Variants in NRG3 observed in about 807,000 individuals in gnomAD.
NRG3 encodes the protein neuregulin 3.
NRG3 carries 31 observed loss-of-function variants against 66.9 expected under a neutral mutation model. The ratio of observed to expected loss-of-function variants is 0.46; its 90% CI spans 0.35 to 0.63. The LOEUF (loss-of-function observed/expected upper bound fraction) is 0.63. Among genes scored for constraint, NRG3 ranks in the 20% least tolerant of loss-of-function variants. The probability of loss-of-function intolerance (pLI) is 0.00; values close to 1 mark genes in which losing one functional copy is unlikely to be tolerated. For missense variants in NRG3, 910 were observed against 878.9 expected (o/e 1.04, Z -0.45); for synonymous variants, 393 against 359.4 (o/e 1.09, Z -1.06).
chr10:82,626,199 C>T (rs538010085), intron 2 of NRG3, among the ~76,000 whole-genome samples: 6 of 152,250 alleles, frequency 3.9e-5, no homozygotes, highest in Non-Finnish European at 7.4e-5. Flanking sequence ...GATCCTTGCA[C>T]TTTTATAGAT....
chr10:82,084,503 T>C (rs72825432), intron 1 of NRG3, among the ~76,000 whole-genome samples: 6 of 8,620 alleles, frequency 7.0e-4, no homozygotes, highest in African/African-American at 6.9e-4. Context: ...ATATATGAGA[T>C]TTTTTTTTTT....
At chr10:82,803,948 A>G (rs1300450924) in intron 3 of NRG3, among the ~76,000 whole-genome samples, 2 of 152,116 alleles carry the variant, frequency 1.3e-5, no homozygotes, top group African/African-American at 4.8e-5. Context: ...TAAGTTTTAA[A>G]TTGTGTACTG....
chr10:82,814,878 A>C (rs1157594234), intron 3 of NRG3, among the ~76,000 whole-genome samples: 3 of 152,198 alleles, frequency 2.0e-5, no homozygotes, highest in Non-Finnish European at 4.4e-5. Context: ...TAATCCTCAC[A>C]ACTCTGTGTT....
At chr10:82,978,775 G>A (rs1360628553) in intron 7 of NRG3, among the ~76,000 whole-genome samples, 175 bp from the exon 8 acceptor site, 2 of 152,162 alleles carry the variant, frequency 1.3e-5, no homozygotes, top group Non-Finnish European at 2.9e-5. Flanking sequence ...AATGGATTGG[G>A]CTATTCCTGA....
chr10:82,511,235 A>G (rs1351127629), intron 2 of NRG3, among the ~76,000 whole-genome samples: 2 of 152,230 alleles, frequency 1.3e-5, no homozygotes, highest in Non-Finnish European at 2.9e-5. Context: ...GAAAGAAAAA[A>G]TAAACAAACA....
rs1053910485 is a variant in NRG3, at chr10:81,892,908, G to A, written c.823+16745G>A. Among the ~76,000 whole-genome samples, 4 of 152,152 alleles carry A rather than the reference G, an allele frequency of 2.6e-5. No individual in the cohort carries two copies. In the South Asian group the frequency reaches 8.3e-4, roughly 32 times the overall value. On this transcript the variant is annotated intron_variant, in intron 1 of 8. Coordinates refer to ENST00000372141, the MANE Select transcript of NRG3 (RefSeq NM_001010848.4). The stretch of plus-strand genomic sequence containing the variant: ...TGTGATTATGACTCATTCCATGACT[G>A]TATCAAATTATCTCATGTAATCCAT...
intron 2 of NRG3, among the ~76,000 whole-genome samples, chr10:82,589,369 C>G (rs2046854878): frequency 6.6e-6 from 1 of 152,104 alleles, no homozygotes. Flanking sequence ...TCACTCAATT[C>G]AGAATTGAGA....
At position 82,116,833 on chromosome 10, in the gene NRG3, G is replaced by A. The variant is rs368519657; in HGVS notation, c.823+240670G>A. On this transcript the variant is annotated intron_variant, in intron 1 of 8. Coordinates refer to ENST00000372141, the MANE Select transcript of NRG3 (RefSeq NM_001010848.4). ...GATTTATAGAAGAAAGATTTGAGGA[G>A]CTACTTCCAGCCAAATGCCCTGAGA... Among the ~76,000 whole-genome samples the A allele has an allele frequency of 1.3e-4, 20 of 152,228 alleles. 1 individual carries two copies. The highest frequency in any genetic ancestry group is 4.6e-4 in the African/African-American group (19 of 41,554).
intron 2 of NRG3, among the ~76,000 whole-genome samples, chr10:82,563,470 G>T (rs2045189961): frequency 6.6e-6 from 1 of 151,922 alleles, no homozygotes; most frequent in African/African-American, 2.4e-5. Context: ...ACCTCTGAGA[G>T]TCAGCCTGTT....
chr10:81,973,573 A>AT (rs1447894599), intron 1 of NRG3, among the ~76,000 whole-genome samples: 1 of 151,954 alleles, frequency 6.6e-6, no homozygotes, highest in Non-Finnish European at 1.5e-5. Flanking sequence ...AGCATCTGTT[A>AT]TTTTTTTGAC....
At position 82,959,028 on chromosome 10, in the gene NRG3, A is replaced by G. The variant is rs1307826433; in HGVS notation, c.1237A>G (p.Met413Val). 7 of 1,607,826 alleles carry G rather than the reference A, an allele frequency of 4.4e-6. No homozygotes were observed. In the African/African-American group the frequency reaches 8.0e-5, roughly 18 times the overall value. The change falls in exon 6 of 9, where the codon ATG (methionine) becomes GTG (valine). Residue 413 changes from methionine (M) to valine (V), a missense_variant. Transcript: ENST00000372141. Reference protein sequence around the residue: ...KSYSLKASSTMAKSENLVKSH... With the variant: ...KSYSLKASSTVAKSENLVKSH... Reference sequence around the variant, plus strand: ...CTACAGTCTCAAAGCATCCAGCACAATGGCAAAGTCAGAGAACTTGGTGAA... The same window carrying G: ...CTACAGTCTCAAAGCATCCAGCACAGTGGCAAAGTCAGAGAACTTGGTGAA...
At chr10:82,338,987 C>G (rs552983666) in intron 1 of NRG3, among the ~76,000 whole-genome samples, 1 of 152,216 alleles carries the variant, frequency 6.6e-6, no homozygotes, top group Admixed American at 6.5e-5. Flanking sequence ...TAAGATGACA[C>G]CAACACTGCC....
Position 81,977,287 on chromosome 10 carries a change from C to T in NRG3, c.823+101124C>T, listed in dbSNP as rs376210400. ...TTAATGTCTGTCTACTGCAGTAAGC[C>T]GTGTGTGCTCCTGAAAGCTGGGTTT... On this transcript the variant is annotated intron_variant, in intron 1 of 8. Coordinates refer to ENST00000372141, the MANE Select transcript of NRG3 (RefSeq NM_001010848.4). Among the ~76,000 whole-genome samples, 11 of 152,198 alleles carry T rather than the reference C, an allele frequency of 7.2e-5. No individual in the cohort carries two copies. In the East Asian group the frequency reaches 1.2e-3, roughly 16 times the overall value.
intron 1 of NRG3, among the ~76,000 whole-genome samples, chr10:82,154,468 A>G (rs1264947484): frequency 6.6e-6 from 1 of 151,352 alleles, no homozygotes; most frequent in African/African-American, 2.4e-5. Context: ...TGTGTGTGCT[A>G]TTATAGCTTT....
chr10:81,920,267 TAA>T (rs942607295), intron 1 of NRG3, among the ~76,000 whole-genome samples: 3 of 152,162 alleles, frequency 2.0e-5, no homozygotes, highest in Admixed American at 2.0e-4. Flanking sequence ...CAGGAAATCT[TAA>T]AGTCAATGCT....
chr10:82,570,003 T>C (rs1289881733), intron 2 of NRG3, among the ~76,000 whole-genome samples: 3 of 151,620 alleles, frequency 2.0e-5, no homozygotes, highest in Non-Finnish European at 4.4e-5. Context: ...AAATCTAGGT[T>C]TTCTCTTTCT....
At chr10:82,020,919 C>T (rs2062029518) in intron 1 of NRG3, among the ~76,000 whole-genome samples, 1 of 151,998 alleles carries the variant, frequency 6.6e-6, no homozygotes, top group African/African-American at 2.4e-5. Flanking sequence ...CTGCTAGTTC[C>T]AAAGGTGTTT....
At chr10:82,858,575 G>A (rs2063936783) in intron 3 of NRG3, among the ~76,000 whole-genome samples, 1 of 152,136 alleles carries the variant, frequency 6.6e-6, no homozygotes, top group African/African-American at 2.4e-5. Flanking sequence ...AAACCTATTT[G>A]CTCTTCTCAG....
intron 4 of NRG3, among the ~76,000 whole-genome samples, chr10:82,905,876 C>G (rs1844688551): frequency 6.6e-6 from 1 of 152,120 alleles, no homozygotes; most frequent in South Asian, 2.1e-4. Flanking sequence ...TGTCTTTTCC[C>G]TGGGCTTCAT....
Sources: gnomAD v4.1 joint callset for allele counts (sites outside exome capture counted in the v4.1 genomes callset) on GRCh38, gnomAD v4.1.1 for gene constraint, MANE v1.5 for transcripts, NCBI Gene and HGNC (gene_info 2026-07-23, HGNC 2026-07-21) for gene names.